Variants in CELF2 observed in about 807,000 individuals in gnomAD.
The protein encoded by CELF2 is CUGBP Elav-like family member 2.
Under a neutral mutation model 62.6 loss-of-function variants are expected in CELF2, and 8 were observed. The ratio of observed to expected loss-of-function variants is 0.13; its 90% CI spans 0.07 to 0.23. The LOEUF is 0.23. CELF2 is among the 10% of genes least tolerant of loss of function. The probability of loss-of-function intolerance (pLI) is 1.00; values close to 1 mark genes in which losing one functional copy is unlikely to be tolerated. For synonymous variants in CELF2, 258 were observed against 250.0 expected (o/e 1.03, Z -0.30); for missense variants, 333 against 671.0 (o/e 0.50, Z 5.56).
At chr10:10,828,171 G>A (rs1253892960) in intron 1 of CELF2, among the ~76,000 whole-genome samples, 2 of 152,116 alleles carry the variant, frequency 1.3e-5, no homozygotes, top group African/African-American at 2.4e-5. Context: ...GTACCCAAAG[G>A]AATTAAAAGC....
At chr10:10,495,244 A>G in the CELF2 span, among the ~76,000 whole-genome samples, 3 of 152,188 alleles carry the variant, frequency 2.0e-5, no homozygotes, top group African/African-American at 7.2e-5. Context: ...GTGCCACTGC[A>G]CTTCAGCCTG....
intron 1 of CELF2, among the ~76,000 whole-genome samples, chr10:10,866,413 C>A (rs1435748073): frequency 2.6e-5 from 4 of 151,520 alleles, no homozygotes; most frequent in African/African-American, 9.7e-5. Flanking sequence ...TGAGACCAGC[C>A]TGGCCAACAT....
At chr10:10,488,842 A>G in the CELF2 span, among the ~76,000 whole-genome samples, 1 of 152,210 alleles carries the variant, frequency 6.6e-6, no homozygotes, top group South Asian at 2.1e-4. Context: ...TCAAGGTTTG[A>G]AAAACCGTAT....
At chr10:11,095,600 A>G (rs1471652013) in intron 1 of CELF2, among the ~76,000 whole-genome samples, 1 of 152,178 alleles carries the variant, frequency 6.6e-6, no homozygotes, top group Non-Finnish European at 1.5e-5. Flanking sequence ...AACTGTAACA[A>G]TGAGTTGTCA....
chr10:11,228,523 G>A (rs2067378767), intron 3 of CELF2, among the ~76,000 whole-genome samples: 1 of 152,108 alleles, frequency 6.6e-6, no homozygotes, highest in Non-Finnish European at 1.5e-5. Flanking sequence ...TGATAAGAAA[G>A]AGACCTTTCA....
upstream of CELF2, among the ~76,000 whole-genome samples, chr10:11,016,812 T>A (rs748767052): frequency 3.9e-5 from 6 of 152,232 alleles, no homozygotes; most frequent in Non-Finnish European, 8.8e-5. This position sits in a 1 kb window ranked among gnomAD's most constrained non-coding sequence, Gnocchi z 5.2. Context: ...TATGTTTGTA[T>A]AGGTATATGG....
At chr10:10,913,605 G>A (rs547859099) in intron 1 of CELF2, among the ~76,000 whole-genome samples, 1 of 149,382 alleles carries the variant, frequency 6.7e-6, no homozygotes, top group East Asian at 1.9e-4. Flanking sequence ...TGCCCAGGCT[G>A]GTCCCAAACT....
At chr10:11,294,847 G>A (rs916340676) in intron 9 of CELF2, among the ~76,000 whole-genome samples, 1 of 152,220 alleles carries the variant, frequency 6.6e-6, no homozygotes, top group Non-Finnish European at 1.5e-5. Flanking sequence ...GGCGGCAGAG[G>A]CTGCAGTGAC....
chr10:10,795,435 A>T (rs2054086677), upstream of CELF2, among the ~76,000 whole-genome samples: 1 of 152,228 alleles, frequency 6.6e-6, no homozygotes, highest in South Asian at 2.1e-4. Context: ...GAAGTTTATT[A>T]AGGCTGAACC....
At chr10:11,188,339 A>G (rs2075503270) in intron 2 of CELF2, among the ~76,000 whole-genome samples, 1 of 152,196 alleles carries the variant, frequency 6.6e-6, no homozygotes. Context: ...TCCCAACCTC[A>G]GGTGATCTGC....
chr10:10,652,090 G>A, the CELF2 span, among the ~76,000 whole-genome samples: 973 of 139,268 alleles, frequency 7.0e-3, 4 homozygotes, highest in Non-Finnish European at 0.011. Flanking sequence ...AGCCTCAGGA[G>A]CCGATGCGAT....
At chr10:10,525,989 T>A in the CELF2 span, among the ~76,000 whole-genome samples, 1 of 152,250 alleles carries the variant, frequency 6.6e-6, no homozygotes, top group Non-Finnish European at 1.5e-5. Flanking sequence ...CAACGTGTGT[T>A]GTCTTTCTGA....
At chr10:10,712,158 A>AC in the CELF2 span, among the ~76,000 whole-genome samples, 1 of 146,616 alleles carries the variant, frequency 6.8e-6, no homozygotes, top group Non-Finnish European at 1.5e-5. Context: ...AAAAAAAAAA[A>AC]AAAAAAAAAA....
the CELF2 span, among the ~76,000 whole-genome samples, chr10:10,705,301 G>T: frequency 6.6e-6 from 1 of 150,930 alleles, no homozygotes; most frequent in Non-Finnish European, 1.5e-5. Flanking sequence ...CTCAAACTCT[G>T]TGCGTGTGTG....
At chr10:10,491,942 T>C in the CELF2 span, among the ~76,000 whole-genome samples, 1 of 152,126 alleles carries the variant, frequency 6.6e-6, no homozygotes, top group Non-Finnish European at 1.5e-5. Flanking sequence ...CTTTTTTCCT[T>C]TCTTCTTGAA....
At chr10:11,066,948 G>A (rs909527949) in intron 1 of CELF2, among the ~76,000 whole-genome samples, 1 of 152,172 alleles carries the variant, frequency 6.6e-6, no homozygotes, top group South Asian at 2.1e-4. Flanking sequence ...GTGAGACTGT[G>A]CTTGGCTCTG....
At chr10:10,560,173 TC>T in the CELF2 span, among the ~76,000 whole-genome samples, 1 of 152,150 alleles carries the variant, frequency 6.6e-6, no homozygotes, top group Non-Finnish European at 1.5e-5. Flanking sequence ...TGTAGTCAAC[TC>T]GAAAAGAGAA....
intron 1 of CELF2, among the ~76,000 whole-genome samples, chr10:10,887,179 C>T (rs778636597): frequency 1.1e-4 from 16 of 151,968 alleles, no homozygotes; most frequent in African/African-American, 3.6e-4. Flanking sequence ...TGTAGACTGC[C>T]AATCCAACTT....
At chr10:11,301,433 G>C (rs1488046066) in intron 9 of CELF2, among the ~76,000 whole-genome samples, 5 of 32,588 alleles carry the variant, frequency 1.5e-4, no homozygotes, top group Non-Finnish European at 1.7e-4. Flanking sequence ...TGCTCCCACC[G>C]CCCCCCCGCC....
Sources: allele counts gnomAD v4.1 joint callset (sites outside exome capture counted in the v4.1 genomes callset), GRCh38; gene constraint gnomAD v4.1.1; non-coding constraint Gnocchi (gnomAD v3.1); transcripts MANE v1.5; gene names NCBI Gene and HGNC (gene_info 2026-07-23, HGNC 2026-07-21).